The following KCNIP4 variants were observed in gnomAD, a reference collection of about 807,000 sequenced individuals.
KCNIP4 encodes Kv channel-interacting protein 4.
In KCNIP4, 12 loss-of-function variants were observed where a neutral mutation model predicts 34.0. That is an observed-to-expected ratio of 0.35 (90% confidence interval 0.23 to 0.57). The LOEUF (loss-of-function observed/expected upper bound fraction) is 0.57. Ranked by LOEUF, KCNIP4 falls within the 20% of genes least tolerant of loss-of-function variation. The pLI is 0.83. For missense variants in KCNIP4, 238 were observed against 311.7 expected (o/e 0.76, Z 1.78); for synonymous variants, 124 against 102.2 (o/e 1.21, Z -1.29).
chr4:21,561,292 T>C (rs1047916436), intron 1 of KCNIP4, among the ~76,000 whole-genome samples: 1 of 152,026 alleles, frequency 6.6e-6, no homozygotes, highest in Non-Finnish European at 1.5e-5. Context: ...CATTTTCCAA[T>C]GTGAACAATA....
chr4:21,277,719 A>G (rs1156311366), intron 1 of KCNIP4, among the ~76,000 whole-genome samples: 1 of 152,236 alleles, frequency 6.6e-6, no homozygotes, highest in Admixed American at 6.5e-5. Flanking sequence ...AAGACAAAGC[A>G]GAATCAATAA....
chr4:21,519,534 ATGTG>A (rs1166120940), intron 1 of KCNIP4, among the ~76,000 whole-genome samples: 10 of 88,128 alleles, frequency 1.1e-4, no homozygotes, highest in African/African-American at 5.0e-4. Context: ...GTGTATGTGT[ATGTG>A]TATATACACA....
chr4:21,896,929 TAAATAATA>T lies in KCNIP4; in HGVS notation c.61+51634_61+51641del, dbSNP rs1188706738. ...GTAAACTCTCAAAAAAATACATAAA[TAAATAATA>T]AATAAATAAATAAATAAATAAATAA... On this transcript the variant is annotated intron_variant, in intron 1 of 8. Transcript: ENST00000382152. Among the ~76,000 whole-genome samples the T allele has an allele frequency of 3.4e-5, 4 of 119,110 alleles. No individual in the cohort carries two copies. In the East Asian group the frequency reaches 1.1e-3, roughly 32 times the overall value. The allele number at this position is 119,110 out of a possible 152,430, so 78.1% of individuals were successfully genotyped here. A position where few individuals can be genotyped will look rare whatever the true frequency, so the allele number is the denominator to read the frequency against.
chr4:20,826,636 G>A (rs1717797850), intron 3 of KCNIP4, among the ~76,000 whole-genome samples: 2 of 152,094 alleles, frequency 1.3e-5, no homozygotes, highest in South Asian at 4.2e-4. Flanking sequence ...AAAAGAGAGA[G>A]TGATGGCTAA....
At chr4:21,272,063 T>A (rs1762181559) in intron 1 of KCNIP4, among the ~76,000 whole-genome samples, 1 of 152,206 alleles carries the variant, frequency 6.6e-6, no homozygotes, top group Admixed American at 6.5e-5. Flanking sequence ...GTGAACTGCA[T>A]TGCTAGCAGT....
chr4:20,941,883 G>T (rs1038274547), intron 1 of KCNIP4, among the ~76,000 whole-genome samples: 1 of 152,086 alleles, frequency 6.6e-6, no homozygotes. Context: ...TGTAGGACCG[G>T]AGTTATTTTG....
At chr4:21,567,999 T>C (rs1423416171) in intron 1 of KCNIP4, among the ~76,000 whole-genome samples, 1 of 152,172 alleles carries the variant, frequency 6.6e-6, no homozygotes, top group Non-Finnish European at 1.5e-5. Flanking sequence ...CGCTGCTATG[T>C]AGTTTTTAAT....
intron 1 of KCNIP4, among the ~76,000 whole-genome samples, chr4:21,767,003 G>A (rs1359443317): frequency 6.6e-6 from 1 of 152,136 alleles, no homozygotes; most frequent in Non-Finnish European, 1.5e-5. Flanking sequence ...GAGATCAAGT[G>A]TCAGGTAGTG....
At chr4:21,671,065 G>A (rs1749465555) in intron 1 of KCNIP4, among the ~76,000 whole-genome samples, 1 of 149,192 alleles carries the variant, frequency 6.7e-6, no homozygotes, top group Admixed American at 6.7e-5. Context: ...GTGTCGTTTT[G>A]TTTCTGCTGT....
intron 1 of KCNIP4, among the ~76,000 whole-genome samples, chr4:21,440,771 C>T (rs1727400276): frequency 6.6e-6 from 1 of 152,062 alleles, no homozygotes; most frequent in African/African-American, 2.4e-5. Flanking sequence ...AGTGCCAAGC[C>T]AAATGAAATG....
chr4:20,794,488 A>G (rs1441277453), intron 3 of KCNIP4, among the ~76,000 whole-genome samples: 1 of 152,192 alleles, frequency 6.6e-6, no homozygotes, highest in East Asian at 1.9e-4. Flanking sequence ...ACTTAATAAA[A>G]TTATGTACTC....
At chr4:21,233,682 C>A (rs533864964) in intron 1 of KCNIP4, among the ~76,000 whole-genome samples, 1 of 151,466 alleles carries the variant, frequency 6.6e-6, no homozygotes, top group African/African-American at 2.4e-5. Flanking sequence ...TTTTCTATGA[C>A]CTGGGGACTG....
chr4:21,285,618 C>A (rs1763075161), intron 1 of KCNIP4, among the ~76,000 whole-genome samples: 1 of 151,970 alleles, frequency 6.6e-6, no homozygotes, highest in Admixed American at 6.6e-5. Context: ...CATTTGAGGT[C>A]ATGAGTTCGA....
At chr4:21,002,576 T>A (rs1738234345) in intron 1 of KCNIP4, among the ~76,000 whole-genome samples, 1 of 152,190 alleles carries the variant, frequency 6.6e-6, no homozygotes, top group Admixed American at 6.5e-5. Context: ...AACGGGGTTG[T>A]CTGCAGCAAT....
At chr4:21,729,160 G>A (rs1427197063) in intron 1 of KCNIP4, among the ~76,000 whole-genome samples, 1 of 152,012 alleles carries the variant, frequency 6.6e-6, no homozygotes, top group East Asian at 1.9e-4. Context: ...TACCCATACT[G>A]AATACAATTT....
chr4:21,083,267 CTCTT>C (rs751457176), intron 1 of KCNIP4, among the ~76,000 whole-genome samples: 1 of 151,810 alleles, frequency 6.6e-6, no homozygotes, highest in East Asian at 1.9e-4. Context: ...CTCTTCCTCT[CTCTT>C]TTTTTTCTCT....
At chr4:21,934,980 C>A (rs981048124) in intron 1 of KCNIP4, among the ~76,000 whole-genome samples, 1 of 152,072 alleles carries the variant, frequency 6.6e-6, no homozygotes, top group Non-Finnish European at 1.5e-5. Context: ...TGTACAAACA[C>A]ACACACAATT....
chr4:20,794,724 C>A (rs1336218407), intron 3 of KCNIP4, among the ~76,000 whole-genome samples: 1 of 152,060 alleles, frequency 6.6e-6, no homozygotes, highest in African/African-American at 2.4e-5. Context: ...GCGATATTTG[C>A]CTAACAAAAA....
At chr4:21,593,793 T>C (rs1011333670) in intron 1 of KCNIP4, among the ~76,000 whole-genome samples, 1 of 152,128 alleles carries the variant, frequency 6.6e-6, no homozygotes, top group Admixed American at 6.6e-5. Context: ...CACAGATATT[T>C]TGAAAAATCT....
Sources: allele counts gnomAD v4.1 joint callset (sites outside exome capture counted in the v4.1 genomes callset), GRCh38; gene constraint gnomAD v4.1.1; transcripts MANE v1.5; gene names NCBI Gene and HGNC (gene_info 2026-07-23, HGNC 2026-07-21).